Variants in TENM2 observed in about 807,000 individuals in gnomAD.
TENM2 encodes the protein teneurin-2.
A neutral mutation model predicts 245.2 loss-of-function variants in TENM2; 52 were observed. The observed-to-expected ratio is 0.21, with a 90% confidence interval of 0.17 to 0.27. TENM2 has a LOEUF of 0.27. Among genes scored for constraint, TENM2 ranks in the 10% least tolerant of loss-of-function variants. The pLI is 1.00. For missense variants in TENM2, 3,046 were observed against 3,666.8 expected, an observed-to-expected ratio of 0.83 and a Z score of 4.37; for synonymous variants, 1,363 against 1,438.9, an observed-to-expected ratio of 0.95 and a Z score of 1.19.
At chr5:168,064,246 G>A (rs1198519679) in intron 7 of TENM2, among the ~76,000 whole-genome samples, 2 of 152,120 alleles carry the variant, frequency 1.3e-5, no homozygotes, top group East Asian at 3.9e-4. Context: ...TTCTCTTGTA[G>A]CAAAATGAAG....
intron 5 of TENM2, among the ~76,000 whole-genome samples, chr5:168,043,328 A>G (rs1480345666): frequency 3.3e-5 from 5 of 152,024 alleles, no homozygotes; most frequent in Non-Finnish European, 7.4e-5. Context: ...GCCTCAGGCA[A>G]TCCTCTTGCC....
At chr5:167,452,950 T>TATATATATATATTTTTTTTTTTTAA (rs1765690202) in intron 2 of TENM2, among the ~76,000 whole-genome samples, 4 of 99,630 alleles carry the variant, frequency 4.0e-5, no homozygotes, top group African/African-American at 1.4e-4. Context: ...TATATATATA[T>TATATATATATATTTTTTTTTTTTAA]ATATATATAT....
chr5:167,877,949 G>C (rs1296512327), intron 3 of TENM2, among the ~76,000 whole-genome samples: 3 of 152,100 alleles, frequency 2.0e-5, no homozygotes, highest in Admixed American at 6.5e-5. Context: ...AGGACAAGAG[G>C]CTTTTGAAAT....
intron 25 of TENM2, among the ~76,000 whole-genome samples, chr5:168,238,734 A>G (rs562244292): frequency 6.6e-6 from 1 of 152,050 alleles, no homozygotes; most frequent in Non-Finnish European, 1.5e-5. Context: ...GCTTGGTGAG[A>G]TCAAAACGTT....
intron 3 of TENM2, among the ~76,000 whole-genome samples, chr5:167,894,992 G>GGAAGGAAGGAA (rs1561906941): frequency 1.6e-4 from 9 of 56,820 alleles, no homozygotes; most frequent in Non-Finnish European, 3.0e-4. Context: ...GAAGGAAGGA[G>GGAAGGAAGGAA]GGAAGGAAGG....
At chr5:167,811,420 G>A (rs1384207627) in intron 2 of TENM2, among the ~76,000 whole-genome samples, 2 of 152,158 alleles carry the variant, frequency 1.3e-5, no homozygotes, top group African/African-American at 4.8e-5. Context: ...CATGTGAGGT[G>A]CAAGCTTCTG....
At chr5:167,860,187 T>TGG (rs1348134886) in intron 2 of TENM2, among the ~76,000 whole-genome samples, 1 of 62,162 alleles carries the variant, frequency 1.6e-5, no homozygotes, top group African/African-American at 6.2e-5. Context: ...GGGAGGGAGG[T>TGG]GGGGGGGTCA....
At chr5:167,973,282 T>C (rs1439120947) in intron 4 of TENM2, among the ~76,000 whole-genome samples, 1 of 152,234 alleles carries the variant, frequency 6.6e-6, no homozygotes, top group African/African-American at 2.4e-5. Flanking sequence ...CAAACTTATA[T>C]AGTTACTTTA....
At chr5:167,148,007 C>T in the TENM2 span, among the ~76,000 whole-genome samples, 3 of 152,158 alleles carry the variant, frequency 2.0e-5, no homozygotes, top group Admixed American at 6.6e-5. Context: ...ATGCCTGCCA[C>T]TTATCTCTAG....
chr5:167,541,073 C>G (rs530063866), intron 2 of TENM2, among the ~76,000 whole-genome samples: 1 of 152,160 alleles, frequency 6.6e-6, no homozygotes, highest in Non-Finnish European at 1.5e-5. Flanking sequence ...GGGATAGGTA[C>G]TAAACTAAAA....
chr5:167,933,989 G>C (rs1172180629), intron 3 of TENM2, among the ~76,000 whole-genome samples: 3 of 152,224 alleles, frequency 2.0e-5, no homozygotes, highest in African/African-American at 4.8e-5. Context: ...GACACACACA[G>C]TGTGCCAAAG....
chr5:168,053,556 A>G (rs1272793307), intron 6 of TENM2, among the ~76,000 whole-genome samples: 1 of 152,220 alleles, frequency 6.6e-6, no homozygotes, highest in Non-Finnish European at 1.5e-5. Flanking sequence ...AATATTTGGA[A>G]TAATAATAAT....
chr5:167,889,489 T>C lies in TENM2; in HGVS notation c.712+13294T>C, dbSNP rs192588984. 5.0e-3 allele frequency among the ~76,000 whole-genome samples: 760 copies of C among 152,282 alleles called. 6 individuals are homozygous for C. Among genetic ancestry groups the C allele is most frequent in the African/African-American group, 0.017 (723 of 41,566 alleles). ...GAGCACTCGTTCCCAGTTCCCAAGG[T>C]TATTTTCATCTCAATGACCTTTTGC... On this transcript the variant is annotated intron_variant, in intron 3 of 28. Coordinates refer to ENST00000518659, the Ensembl canonical transcript of TENM2.
intron 1 of TENM2, among the ~76,000 whole-genome samples, chr5:167,365,634 A>C (rs1034105455): frequency 5.9e-5 from 9 of 152,022 alleles, no homozygotes; most frequent in Non-Finnish European, 1.2e-4. Context: ...AATTCCCTGT[A>C]AAACACAATT....
At chr5:168,150,601 A>G (rs1273326911) in intron 12 of TENM2, among the ~76,000 whole-genome samples, 1 of 152,268 alleles carries the variant, frequency 6.6e-6, no homozygotes, top group Admixed American at 6.5e-5. Flanking sequence ...ATGGCCATTC[A>G]GTAATTCACA....
chr5:167,645,524 GTTCCT>G (rs1444847938), intron 2 of TENM2, among the ~76,000 whole-genome samples: 1 of 151,456 alleles, frequency 6.6e-6, no homozygotes, highest in African/African-American at 2.4e-5. Flanking sequence ...ACACTTGTGT[GTTCCT>G]TTCCCTTTGT....
intron 14 of TENM2, among the ~76,000 whole-genome samples, chr5:168,194,095 C>T (rs977905689): frequency 5.9e-5 from 9 of 152,188 alleles, no homozygotes; most frequent in African/African-American, 2.2e-4. Flanking sequence ...AAAAATCGAG[C>T]CGACTTTGAC....
chr5:167,125,344 C>T, the TENM2 span, among the ~76,000 whole-genome samples: 1 of 152,168 alleles, frequency 6.6e-6, no homozygotes, highest in Non-Finnish European at 1.5e-5. Flanking sequence ...ATGCACTCTG[C>T]AAATGCAAAG....
the TENM2 span, among the ~76,000 whole-genome samples, chr5:167,066,447 T>A: frequency 6.6e-6 from 1 of 152,054 alleles, no homozygotes; most frequent in Non-Finnish European, 1.5e-5. Context: ...TTGTTACATG[T>A]GTATACATGT....
Sources: gnomAD v4.1 joint callset for allele counts (sites outside exome capture counted in the v4.1 genomes callset) on GRCh38, gnomAD v4.1.1 for gene constraint, MANE v1.5 for transcripts, NCBI Gene and HGNC (gene_info 2026-07-23, HGNC 2026-07-21) for gene names.